The following SLC7A8 variants were observed in gnomAD, a reference collection of about 807,000 sequenced individuals.
The protein encoded by SLC7A8 is large neutral amino acids transporter small subunit 2.
A neutral mutation model predicts 51.2 loss-of-function variants in SLC7A8; 30 were observed. The ratio of observed to expected loss-of-function variants is 0.59; its 90% CI spans 0.44 to 0.80. The LOEUF (loss-of-function observed/expected upper bound fraction) is 0.80, where lower values mean the gene tolerates loss of function less well. Among genes scored for constraint, SLC7A8 ranks in the 30% least tolerant of loss-of-function variants. SLC7A8 has a pLI of 0.00. For synonymous variants in SLC7A8, 257 were observed against 275.8 expected (o/e 0.93, Z 0.67); for missense variants, 612 against 674.4 (o/e 0.91, Z 1.03).
intron 6 of SLC7A8, 128 bp from the exon 7 acceptor site, chr14:23,138,152 T>A: frequency 1.7e-6 from 2 of 1,185,920 alleles, no homozygotes; most frequent in Non-Finnish European, 2.3e-6. Flanking sequence ...CCAAGCTTCT[T>A]AATTGCCCCC....
At chr14:23,148,664 G>C (rs1013875793) in intron 3 of SLC7A8, among the ~76,000 whole-genome samples, 3 of 152,210 alleles carry the variant, frequency 2.0e-5, no homozygotes, top group Non-Finnish European at 2.9e-5. Flanking sequence ...ATCAGACAGA[G>C]AGAAAGAGAG....
intron 3 of SLC7A8, among the ~76,000 whole-genome samples, chr14:23,145,475 C>T (rs112264242): frequency 3.4e-4 from 50 of 147,240 alleles, no homozygotes; most frequent in African/African-American, 1.2e-3. Flanking sequence ...TGCAGTGAGC[C>T]GAGATTGTGC....
chr14:23,168,999 C>T (rs1290071048), intron 1 of SLC7A8, among the ~76,000 whole-genome samples: 1 of 152,122 alleles, frequency 6.6e-6, no homozygotes, highest in Non-Finnish European at 1.5e-5. Flanking sequence ...TAAGAGTCCT[C>T]ACTTCATAAA....
intron 1 of SLC7A8, among the ~76,000 whole-genome samples, chr14:23,166,750 G>A (rs913857931): frequency 6.6e-6 from 1 of 152,172 alleles, no homozygotes; most frequent in Non-Finnish European, 1.5e-5. Flanking sequence ...CAGGAACTTG[G>A]TCAGGTACTT....
intron 3 of SLC7A8, 93 bp from the exon 4 acceptor site, chr14:23,143,297 C>A: frequency 6.5e-7 from 1 of 1,538,742 alleles, no homozygotes; most frequent in Non-Finnish European, 8.8e-7. Context: ...CTCATCCTGA[C>A]GATGACATTG....
chr14:23,168,662 C>A (rs780037849), intron 1 of SLC7A8, among the ~76,000 whole-genome samples: 3 of 152,088 alleles, frequency 2.0e-5, no homozygotes, highest in Non-Finnish European at 2.9e-5. Context: ...CTTCTTAGAG[C>A]CAAGAATGGC....
chr14:23,160,040 T>A (rs1349325432), intron 3 of SLC7A8, among the ~76,000 whole-genome samples: 1 of 152,118 alleles, frequency 6.6e-6, no homozygotes, highest in Admixed American at 6.5e-5. Context: ...TGGACATGAC[T>A]CCAACCCCAA....
rs374863129 is a variant in SLC7A8 at position 23,180,976 on chromosome 14, G to C, written c.151+1788C>G. On this transcript the variant is annotated intron_variant, in intron 1 of 10. Transcript: ENST00000316902. ...CGGGAGGCGGAGCTTGCAGTGAGCCGAGATCGCGCCACTGCACTCCAGCCT... is the reference window on the plus strand; with the variant it reads ...CGGGAGGCGGAGCTTGCAGTGAGCCCAGATCGCGCCACTGCACTCCAGCCT... Among the ~76,000 whole-genome samples the C allele has an allele frequency of 9.9e-5, 15 of 152,148 alleles. No homozygotes were observed. The East Asian group carries it at 1.5e-3, about 16-fold the overall frequency.
intron 3 of SLC7A8, among the ~76,000 whole-genome samples, chr14:23,159,437 T>G (rs1040327329): frequency 1.2e-4 from 19 of 152,242 alleles, no homozygotes; most frequent in African/African-American, 3.9e-4. Flanking sequence ...AGTCTGTATT[T>G]GTCTGAATTC....
chr14:23,175,640 C>T (rs74036937), intron 1 of SLC7A8, among the ~76,000 whole-genome samples: 4,929 of 152,252 alleles, frequency 0.032, 135 homozygotes, highest in African/African-American at 0.072. Context: ...AGTCATTCTG[C>T]GTAACTCTGC....
chr14:23,144,210 G>A (rs2048769744), intron 3 of SLC7A8, among the ~76,000 whole-genome samples: 1 of 152,100 alleles, frequency 6.6e-6, no homozygotes, highest in Non-Finnish European at 1.5e-5. Flanking sequence ...TAGAGTAAAT[G>A]TGTTTAACTT....
chr14:23,177,598 T>C (rs978541191), intron 1 of SLC7A8, among the ~76,000 whole-genome samples: 1 of 152,206 alleles, frequency 6.6e-6, no homozygotes, highest in Non-Finnish European at 1.5e-5. Context: ...TCTGGTTACA[T>C]ACCTAGATAC....
rs2048599010 is a variant in SLC7A8 at position 23,128,275 on chromosome 14, CT to C, written c.1264-80del. The stretch of plus-strand genomic sequence containing the variant: ...GACTAGGGACTGGGGCATTCTCTCT[CT>C]TCTTCACCCACAGAGACACATCCTC... On this transcript the variant is annotated intron_variant, in intron 9 of 10. Transcript: ENST00000316902. The surrounding 1 kb of genome is among the most constrained non-coding windows in gnomAD (Gnocchi z 4.3). The C allele has an allele frequency of 1.9e-6, 3 of 1,579,274 alleles. No homozygotes were observed. The East Asian group carries it at 6.9e-5, about 36-fold the overall frequency.
chr14:23,150,817 G>A (rs1046616584), intron 3 of SLC7A8, among the ~76,000 whole-genome samples: 3 of 152,058 alleles, frequency 2.0e-5, no homozygotes, highest in Non-Finnish European at 4.4e-5. Context: ...ATTGTACATC[G>A]TGCCCCTGAC....
intron 7 of SLC7A8, among the ~76,000 whole-genome samples, chr14:23,133,029 G>T (rs901276428): frequency 6.6e-6 from 1 of 152,150 alleles, no homozygotes; most frequent in African/African-American, 2.4e-5. Context: ...TCCCACCTCG[G>T]GCTCCCAAAG....
intron 1 of SLC7A8, among the ~76,000 whole-genome samples, chr14:23,180,487 C>T (rs1275646405): frequency 6.6e-6 from 1 of 152,106 alleles, no homozygotes; most frequent in African/African-American, 2.4e-5. Context: ...TAGAATAGTG[C>T]CTATTAACTC....
At chr14:23,148,338 C>T (rs2048816505) in intron 3 of SLC7A8, among the ~76,000 whole-genome samples, 1 of 152,130 alleles carries the variant, frequency 6.6e-6, no homozygotes, top group African/African-American at 2.4e-5. Context: ...AAACGATTCT[C>T]CTGCCTCAGC....
At position 23,151,135 on chromosome 14, in the gene SLC7A8, C is replaced by T. The variant is rs188968504; in HGVS notation, c.509-7931G>A. ...TGTGCGGTTGCTGCCCGTGCTGCCC[C>T]ACTCCTCAGGCCCCACGGAGACTGT... On this transcript the variant is annotated intron_variant, in intron 3 of 10. Coordinates refer to ENST00000316902, the MANE Select transcript of SLC7A8 (RefSeq NM_012244.4). Among the ~76,000 whole-genome samples the T allele has an allele frequency of 2.1e-3, 314 of 152,336 alleles. 1 individual carries two copies. The highest frequency in any genetic ancestry group is 7.3e-3 in the African/African-American group (303 of 41,568).
chr14:23,145,251 G>A (rs982060144), intron 3 of SLC7A8, among the ~76,000 whole-genome samples: 35 of 151,388 alleles, frequency 2.3e-4, no homozygotes, highest in Non-Finnish European at 3.8e-4. Flanking sequence ...GCTTCTGGCC[G>A]GGCATGGTGG....
Sources: allele counts gnomAD v4.1 joint callset (sites outside exome capture counted in the v4.1 genomes callset), GRCh38; gene constraint gnomAD v4.1.1; non-coding constraint Gnocchi (gnomAD v3.1); transcripts MANE v1.5; gene names NCBI Gene and HGNC (gene_info 2026-07-23, HGNC 2026-07-21).